Variants in IFT22 observed in about 807,000 individuals in gnomAD.
IFT22 encodes the protein intraflagellar transport protein 22 homolog.
A neutral mutation model predicts 21.0 loss-of-function variants in IFT22; 13 were observed. That is an observed-to-expected ratio of 0.62 (90% CI 0.40 to 0.98). The LOEUF (loss-of-function observed/expected upper bound fraction) is 0.98, where lower values mean the gene tolerates loss of function less well. Among genes scored for constraint, IFT22 ranks in the 50% least tolerant of loss-of-function variants. The pLI is 0.00. For missense variants in IFT22, 227 were observed against 228.9 expected, an observed-to-expected ratio of 0.99 and a Z score of 0.06; for synonymous variants, 67 against 82.4, an observed-to-expected ratio of 0.81 and a Z score of 1.01.
At position 101,311,457 on chromosome 7, in the gene IFT22, A is replaced by G. The variant is rs1235766648; in HGVS notation, c.*3677T>C. 6.6e-6 allele frequency among the ~76,000 whole-genome samples: 1 copy of G among 152,194 alleles called. No individual in the cohort carries two copies. Among genetic ancestry groups the G allele is most frequent in the Admixed American group, 6.6e-5 (1 of 15,258 alleles). On this transcript the variant is annotated 3_prime_UTR_variant, in exon 5 of 5. Coordinates refer to ENST00000315322, the MANE Select transcript of IFT22 (RefSeq NM_022777.4). The stretch of plus-strand genomic sequence containing the variant: ...TACGCATGGTAATCCTAACAGGTGA[A>G]TGTGGTTCAAACTAAATTGCCAGGG...
At chr7:101,319,540 C>T (rs1392085130) in intron 1 of IFT22, among the ~76,000 whole-genome samples, 1 of 151,672 alleles carries the variant, frequency 6.6e-6, no homozygotes, top group East Asian at 1.9e-4. Context: ...TCTTTTAGGT[C>T]ACAGAGAGGA....
At position 101,312,038 on chromosome 7, in the gene IFT22, C is replaced by T. The variant is rs545852628; in HGVS notation, c.*3096G>A. Among the ~76,000 whole-genome samples the T allele has an allele frequency of 1.2e-4, 19 of 152,110 alleles. No individual in the cohort carries two copies. The highest frequency in any genetic ancestry group is 8.3e-4 in the South Asian group (4 of 4,824). On this transcript the variant is annotated 3_prime_UTR_variant, in exon 5 of 5. Transcript: ENST00000315322. ...CTTCTACAATAAACCGTAAACTCAC[C>T]GTATCTAGTGATTCTGTACATTAAA...
Position 101,315,269 on chromosome 7 carries a change from G to T in IFT22, c.423C>A (p.Asn141Lys). 2 of 1,614,172 alleles carry T rather than the reference G, an allele frequency of 1.2e-6. No individual in the cohort carries two copies. Among genetic ancestry groups the T allele is most frequent in the Non-Finnish European group, 1.7e-6 (2 of 1,180,036 alleles). ...KGSLSLSPPL[N>K]KLKLVHSNLE... ...GGTTTGAGTGCACCAGCTTCAGCTTGTTCAAGGGTGGCGCTTGAAAATGAA... is the reference window on the plus strand; with the variant it reads ...GGTTTGAGTGCACCAGCTTCAGCTTTTTCAAGGGTGGCGCTTGAAAATGAA... Residue 141 changes from asparagine (N) to lysine (K), a missense_variant, in exon 5 of 5, where the codon AAC becomes AAA. Coordinates refer to ENST00000315322, the MANE Select transcript of IFT22 (RefSeq NM_022777.4).
At chr7:101,319,231 G>C (rs11766704) in intron 1 of IFT22, among the ~76,000 whole-genome samples, 199 bp from the exon 2 acceptor site, 32,227 of 151,900 alleles carry the variant, frequency 0.21, 3,705 homozygotes, top group East Asian at 0.39. Context: ...GGGAGCATGG[G>C]ATTAAGGAGT....
At chr7:101,318,791 C>A in intron 2 of IFT22, 165 bp downstream of exon 2, 1 of 580,750 alleles carries the variant, frequency 1.7e-6, no homozygotes. Context: ...CACATGCCAA[C>A]ACACCTGGCT....
chr7:101,318,841 G>T, intron 2 of IFT22, 115 bp downstream of exon 2: 1 of 774,786 alleles, frequency 1.3e-6, no homozygotes, highest in Non-Finnish European at 2.3e-6. Flanking sequence ...TCCCTATATT[G>T]CCCAGGCCTC....
In IFT22 at chr7:101,312,152, C is replaced by T. The variant is rs962711838; in HGVS notation, c.*2982G>A. 3.3e-5 allele frequency among the ~76,000 whole-genome samples: 5 copies of T among 151,948 alleles called. No individual in the cohort carries two copies. Among genetic ancestry groups the T allele is most frequent in the Admixed American group, 1.3e-4 (2 of 15,246 alleles). ...GGCACAATGACTCATGCCTGTAATCCCACCACTTTGGGAGGCTGAGACGGG... is the reference window on the plus strand; with the variant it reads ...GGCACAATGACTCATGCCTGTAATCTCACCACTTTGGGAGGCTGAGACGGG... On this transcript the variant is annotated 3_prime_UTR_variant, in exon 5 of 5. Coordinates refer to ENST00000315322, the MANE Select transcript of IFT22 (RefSeq NM_022777.4).
chr7:101,318,258 G>A lies in IFT22; in HGVS notation c.117-45C>T, dbSNP rs746038382. 10 of 1,489,782 alleles carry A rather than the reference G, an allele frequency of 6.7e-6. No homozygotes were observed. In the African/African-American group the frequency reaches 6.9e-5, roughly 10 times the overall value. The allele number at this position is 1,489,782 out of a possible 1,614,324, so 92.3% of individuals were successfully genotyped here. On this transcript the variant is annotated intron_variant, in intron 2 of 4. Coordinates refer to ENST00000315322, the MANE Select transcript of IFT22 (RefSeq NM_022777.4). ...CAGTAGGCTGGGTGCAGTGGCTCAC[G>A]CCTGTAATCTCAGCAGTCTGGGAGG...
In IFT22 at chr7:101,311,283, G is replaced by A. The variant is rs377259259; in HGVS notation, c.*3851C>T. ...TGGGATTACAGGCGTGAGCCACTGC[G>A]CCTGGCCTTGGGTTGTTATACTGGG... On this transcript the variant is annotated 3_prime_UTR_variant, in exon 5 of 5. Coordinates refer to ENST00000315322, the MANE Select transcript of IFT22 (RefSeq NM_022777.4). Among the ~76,000 whole-genome samples the A allele has an allele frequency of 6.6e-5, 10 of 152,048 alleles. No individual in the cohort carries two copies. Among genetic ancestry groups the A allele is most frequent in the African/African-American group, 1.7e-4 (7 of 41,426 alleles).
chr7:101,318,494 T>A, intron 2 of IFT22: 1 of 312,424 alleles, frequency 3.2e-6, no homozygotes. Flanking sequence ...CACTCCAGCC[T>A]CAGCGACAGG....
chr7:101,317,199 C>A (rs1049552345), intron 3 of IFT22, among the ~76,000 whole-genome samples: 1 of 152,074 alleles, frequency 6.6e-6, no homozygotes, highest in African/African-American at 2.4e-5. Flanking sequence ...GGCTCTGTCG[C>A]CCAGGCTTGA....
At chr7:101,315,950 C>G (rs1179088619) in intron 4 of IFT22, 1 of 190,940 alleles carries the variant, frequency 5.2e-6, no homozygotes, top group Non-Finnish European at 1.1e-5. Flanking sequence ...CTTGGCCTCC[C>G]AAAGTGTTGG....
chr7:101,312,433 AAAAC>A lies in IFT22; in HGVS notation c.*2697_*2700del, dbSNP rs1790002654. Among the ~76,000 whole-genome samples, 1 of 152,078 alleles carries A rather than the reference AAAAC, an allele frequency of 6.6e-6. No individual in the cohort carries two copies. Among genetic ancestry groups the A allele is most frequent in the Non-Finnish European group, 1.5e-5 (1 of 68,030 alleles). On this transcript the variant is annotated 3_prime_UTR_variant, in exon 5 of 5. Coordinates refer to ENST00000315322, the MANE Select transcript of IFT22 (RefSeq NM_022777.4). ...TGACAGAGTGACACCGTGTCTCAAA[AAAAC>A]AAAAAACAAAAAATTGTGTCTGTAC...
rs1191419375 is a variant in IFT22, at chr7:101,316,390, A to G, written c.359T>C (p.Ile120Thr). The change falls in exon 4 of 5, where the codon ATT becomes ACT. Residue 120 changes from isoleucine (I) to threonine (T), a missense_variant. Transcript: ENST00000315322. ...TCCAGAGCCTGGTTTGTGGTGTGCA[A>G]TTAGCATACACTGTGTGTCCTGTAA... ...PSLQDTQCML[I>T]AHHKPGSGDD... 14 of 1,614,022 alleles carry G rather than the reference A, an allele frequency of 8.7e-6. No homozygotes were observed. Among genetic ancestry groups the G allele is most frequent in the South Asian group, 1.1e-5 (1 of 91,078 alleles).
chr7:101,318,763 T>C (rs1340230535), intron 2 of IFT22, 193 bp downstream of exon 2: 2 of 538,440 alleles, frequency 3.7e-6, no homozygotes, highest in African/African-American at 1.9e-5. Flanking sequence ...CAACCTAACA[T>C]GTAGCTGAGA....
chr7:101,316,085 G>A (rs1350935251), intron 4 of IFT22: 17 of 357,660 alleles, frequency 4.8e-5, no homozygotes, highest in Non-Finnish European at 7.9e-5. Flanking sequence ...TGCAATCTCC[G>A]CCTCCTGGGC....
At chr7:101,318,664 TCTCA>T (rs1162820672) in intron 2 of IFT22, 1 of 351,022 alleles carries the variant, frequency 2.8e-6, no homozygotes, top group Non-Finnish European at 5.2e-6. Context: ...TGAGACAGGG[TCTCA>T]CTCTGTCACC....
intron 1 of IFT22, chr7:101,321,447 T>G (rs1790345202): frequency 5.4e-6 from 3 of 555,776 alleles, no homozygotes; most frequent in Middle Eastern, 9.4e-4. Context: ...CGGGGCTCAT[T>G]AACACCGGGC....
intron 1 of IFT22, among the ~76,000 whole-genome samples, chr7:101,320,579 TTA>T (rs1337908139): frequency 7.1e-6 from 1 of 140,504 alleles, no homozygotes; most frequent in Non-Finnish European, 1.5e-5. Context: ...TTTTTTTTTT[TTA>T]AACGCATTTA....
Sources: gnomAD v4.1 joint callset for allele counts (sites outside exome capture counted in the v4.1 genomes callset) on GRCh38, gnomAD v4.1.1 for gene constraint, MANE v1.5 for transcripts, NCBI Gene and HGNC (gene_info 2026-07-23, HGNC 2026-07-21) for gene names.